FRMD4B: variants seen among roughly 807,000 people sequenced by gnomAD.
FRMD4B encodes FERM domain-containing protein 4B.
FRMD4B carries 74 observed loss-of-function variants against 141.5 expected under a neutral mutation model. That is an observed-to-expected ratio of 0.52 (90% CI 0.43 to 0.63). FRMD4B has a LOEUF of 0.63. Among genes scored for constraint, FRMD4B ranks in the 30% least tolerant of loss-of-function variants. FRMD4B has a pLI of 0.00. For synonymous variants in FRMD4B, 506 were observed against 467.9 expected (o/e 1.08, Z -1.05); for missense variants, 1,366 against 1,253.4 (o/e 1.09, Z -1.36).
intron 9 of FRMD4B, among the ~76,000 whole-genome samples, chr3:69,219,626 G>A (rs1204409685): frequency 2.0e-5 from 3 of 150,750 alleles, no homozygotes; most frequent in Admixed American, 2.0e-4. Flanking sequence ...TTTTTTAATT[G>A]TTTTTTAGTT....
At chr3:69,234,985 C>T (rs2093335107) in intron 7 of FRMD4B, among the ~76,000 whole-genome samples, 1 of 151,288 alleles carries the variant, frequency 6.6e-6, no homozygotes, top group African/African-American at 2.4e-5. Flanking sequence ...CCCACCTCTA[C>T]TAAAAATACA....
intron 1 of FRMD4B, among the ~76,000 whole-genome samples, chr3:69,496,754 C>T (rs1706407499): frequency 6.6e-6 from 1 of 151,700 alleles, no homozygotes; most frequent in Non-Finnish European, 1.5e-5. Context: ...GCTTCATTAA[C>T]TCAAGCCAAT....
At chr3:69,511,380 C>G (rs1416053403) in intron 1 of FRMD4B, among the ~76,000 whole-genome samples, 1 of 152,082 alleles carries the variant, frequency 6.6e-6, no homozygotes, top group African/African-American at 2.4e-5. Flanking sequence ...CTGAGGATAC[C>G]TAGGCAAAAC....
chr3:69,196,530 T>G, intron 13 of FRMD4B, 134 bp from the exon 14 acceptor site: 1 of 575,792 alleles, frequency 1.7e-6, no homozygotes, highest in Non-Finnish European at 2.8e-6. Context: ...GTGGCATTCT[T>G]CAGACCAAAA....
At chr3:69,522,885 T>C (rs61226116) in intron 1 of FRMD4B, among the ~76,000 whole-genome samples, 6,521 of 152,108 alleles carry the variant, frequency 0.043, 399 homozygotes, top group African/African-American at 0.13. Context: ...TGAGAACCAA[T>C]AGCTAAATAA....
chr3:69,174,171 T>C (rs891816033), intron 22 of FRMD4B, among the ~76,000 whole-genome samples: 2 of 151,362 alleles, frequency 1.3e-5, no homozygotes, highest in African/African-American at 4.9e-5. Flanking sequence ...GCAGTACTTT[T>C]ATAAAAAAAA....
intron 1 of FRMD4B, among the ~76,000 whole-genome samples, chr3:69,326,931 T>G (rs896111169): frequency 2.0e-5 from 3 of 152,162 alleles, no homozygotes; most frequent in African/African-American, 7.2e-5. Flanking sequence ...GGCTGTATTT[T>G]TAGACGTCAT....
intron 7 of FRMD4B, among the ~76,000 whole-genome samples, chr3:69,231,926 C>T (rs768517068): frequency 4.6e-5 from 7 of 152,288 alleles, no homozygotes; most frequent in African/African-American, 1.2e-4. Flanking sequence ...TTCACCCTCC[C>T]GGGGAATCTG....
In FRMD4B at chr3:69,216,117, G is replaced by A. The variant is rs561499861; in HGVS notation, c.876+146C>T. ...TGCAGTGAGCCACTATCAGCCCACT[G>A]CACTCCAGCTTGGGCGACAAAGTGA... On this transcript the variant is annotated intron_variant, in intron 11 of 22. Transcript: ENST00000398540. 3.2e-5 allele frequency: 17 copies of A among 530,162 alleles called. 1 individual carries two copies. In the South Asian group the frequency reaches 3.7e-4, roughly 12 times the overall value. 32.8% of individuals were successfully genotyped at this position (530,162 alleles called of 1,614,324 possible). A position where few individuals can be genotyped will look rare whatever the true frequency, so the allele number is the denominator to read the frequency against.
rs1372194753 is a variant in FRMD4B at position 69,195,045 on chromosome 3, C to G, written c.1465G>C (p.Asp489His). Residue 489 changes from aspartate to histidine, a missense_variant, in exon 16 of 23, where the codon GAC becomes CAC. Asp to His is a moderately conservative substitution (Grantham distance 81). Transcript: ENST00000398540. ...RRVGTAFKLD[D>H]NLLPSEEDPA... ...ACTTCTTCACTCGGCAGCAAGTTGTCATCTAATTTGAACGCAGTACCCACA... is the reference window on the plus strand; with the variant it reads ...ACTTCTTCACTCGGCAGCAAGTTGTGATCTAATTTGAACGCAGTACCCACA... 1 of 1,613,830 alleles carries G rather than the reference C, an allele frequency of 6.2e-7. No homozygotes were observed. The highest frequency in any genetic ancestry group is 8.5e-7 in the Non-Finnish European group (1 of 1,179,750).
At chr3:69,413,680 C>A (rs1704799489) in intron 2 of FRMD4B, among the ~76,000 whole-genome samples, 1 of 152,180 alleles carries the variant, frequency 6.6e-6, no homozygotes. Context: ...CTTTCCCTAG[C>A]TTTAGAGTTT....
At chr3:69,308,763 A>G (rs1701477254) in intron 3 of FRMD4B, among the ~76,000 whole-genome samples, 1 of 151,982 alleles carries the variant, frequency 6.6e-6, no homozygotes, top group African/African-American at 2.4e-5. Flanking sequence ...CGCAAAAAAC[A>G]AATCACAAAA....
intron 5 of FRMD4B, among the ~76,000 whole-genome samples, chr3:69,260,077 CT>C (rs1474719927): frequency 1.3e-5 from 2 of 151,924 alleles, no homozygotes; most frequent in African/African-American, 2.4e-5. Context: ...ATAGCAAACG[CT>C]TTTTTTTCAT....
chr3:69,447,386 A>G (rs1380142145), intron 1 of FRMD4B, among the ~76,000 whole-genome samples: 1 of 152,206 alleles, frequency 6.6e-6, no homozygotes, highest in Non-Finnish European at 1.5e-5. Flanking sequence ...AGACATACTA[A>G]TGTACCAATA....
chr3:69,308,516 C>T (rs530068628), intron 3 of FRMD4B, among the ~76,000 whole-genome samples: 281 of 151,408 alleles, frequency 1.9e-3, no homozygotes, highest in South Asian at 6.5e-3. Context: ...TGGCTCACTG[C>T]AACCTCCACT....
chr3:69,193,882 A>G lies in FRMD4B; in HGVS notation c.1489-9T>C, dbSNP rs145536277. The G allele has an allele frequency of 1.2e-4, 185 of 1,528,944 alleles. No individual in the cohort carries two copies. In the African/African-American group the frequency reaches 2.3e-3, roughly 19 times the overall value. The allele number at this position is 1,528,944 out of a possible 1,614,324, so 94.7% of individuals were successfully genotyped here. A position where few individuals can be genotyped will look rare whatever the true frequency, so the allele number is the denominator to read the frequency against. On this transcript the variant is annotated splice_polypyrimidine_tract_variant and intron_variant, in intron 16 of 22. Coordinates refer to ENST00000398540, the MANE Select transcript of FRMD4B (RefSeq NM_015123.3). ...TCTTGCAAAGCAGGATCCTGCATTT[A>G]TACAATGATAGTTTTATTTTTATGG...
chr3:69,310,234 G>A (rs981355845), intron 3 of FRMD4B, among the ~76,000 whole-genome samples: 1 of 152,114 alleles, frequency 6.6e-6, no homozygotes, highest in African/African-American at 2.4e-5. Context: ...GAGGTCCTAG[G>A]CTCACAGCCC....
chr3:69,267,705 C>G (rs1397792101), intron 5 of FRMD4B, among the ~76,000 whole-genome samples: 1 of 148,504 alleles, frequency 6.7e-6, no homozygotes, highest in Non-Finnish European at 1.5e-5. Context: ...TGTCTGTCCC[C>G]CCAGTCTATC....
At chr3:69,222,498 G>T (rs865883924) in intron 8 of FRMD4B, among the ~76,000 whole-genome samples, 4 of 144,240 alleles carry the variant, frequency 2.8e-5, no homozygotes, top group Non-Finnish European at 6.0e-5. Flanking sequence ...GACTTAAAGC[G>T]CAGTGGCTCA....
Sources: allele counts gnomAD v4.1 joint callset (sites outside exome capture counted in the v4.1 genomes callset), GRCh38; gene constraint gnomAD v4.1.1; transcripts MANE v1.5; gene names NCBI Gene and HGNC (gene_info 2026-07-23, HGNC 2026-07-21).